Variants in TMEM135 observed in about 807,000 individuals in gnomAD.
TMEM135 encodes the protein peroxisomal membrane protein 52.
TMEM135 carries 30 observed loss-of-function variants against 60.3 expected under a neutral mutation model. The observed-to-expected ratio is 0.50, with a 90% CI of 0.37 to 0.68. The LOEUF (loss-of-function observed/expected upper bound fraction) is 0.68, where lower values mean the gene tolerates loss of function less well. Among genes scored for constraint, TMEM135 ranks in the 30% least tolerant of loss-of-function variants. TMEM135 has a pLI of 0.00. For missense variants in TMEM135, 468 were observed against 548.8 expected, an observed-to-expected ratio of 0.85 and a Z score of 1.47; for synonymous variants, 190 against 186.7, an observed-to-expected ratio of 1.02 and a Z score of -0.14.
At chr11:87,185,910 C>CTTT in intron 5 of TMEM135, among the ~76,000 whole-genome samples, 1 of 107,102 alleles carries the variant, frequency 9.3e-6, no homozygotes, top group East Asian at 2.2e-4. Context: ...TGTAGTTATC[C>CTTT]TTCTTTTTTT....
At position 87,281,711 on chromosome 11, in the gene TMEM135, A is replaced by G. The variant is rs565363157; in HGVS notation, c.510-14071A>G. Among the ~76,000 whole-genome samples the G allele has an allele frequency of 4.6e-5, 7 of 152,336 alleles. No homozygotes were observed. In the East Asian group the frequency reaches 1.4e-3, roughly 29 times the overall value. On this transcript the variant is annotated intron_variant, in intron 6 of 14. Coordinates refer to ENST00000305494, the MANE Select transcript of TMEM135 (RefSeq NM_022918.4). ...CCCTATTGACATCATGCCTGGAGTT[A>G]CGACATGTTTTGGCTAAAGAAATAT...
chr11:87,229,504 A>G (rs545026032), intron 5 of TMEM135, among the ~76,000 whole-genome samples: 1 of 152,268 alleles, frequency 6.6e-6, no homozygotes, highest in East Asian at 1.9e-4. Context: ...GGGAATAGCT[A>G]CTTTCATATG....
intron 4 of TMEM135, among the ~76,000 whole-genome samples, chr11:87,092,920 A>G (rs1197299426): frequency 1.3e-5 from 2 of 151,836 alleles, no homozygotes; most frequent in African/African-American, 4.8e-5. Context: ...TTACTAGGAT[A>G]TAGATTTATT....
At chr11:87,214,465 G>A (rs933827232) in intron 5 of TMEM135, among the ~76,000 whole-genome samples, 1 of 152,124 alleles carries the variant, frequency 6.6e-6, no homozygotes, top group Non-Finnish European at 1.5e-5. Flanking sequence ...GACCTGTATT[G>A]GGAAGTTACA....
intron 4 of TMEM135, among the ~76,000 whole-genome samples, chr11:87,152,057 C>T (rs1269257898): frequency 6.6e-6 from 1 of 152,168 alleles, no homozygotes; most frequent in African/African-American, 2.4e-5. Flanking sequence ...TCAGTCTTAC[C>T]TGCATTCTGG....
At chr11:87,211,878 A>G (rs1418564403) in intron 5 of TMEM135, among the ~76,000 whole-genome samples, 2 of 151,910 alleles carry the variant, frequency 1.3e-5, no homozygotes, top group Admixed American at 1.3e-4. Context: ...CGGGAGGTGG[A>G]GCTTGCAGTG....
At chr11:87,127,329 T>C (rs1937762041) in intron 4 of TMEM135, among the ~76,000 whole-genome samples, 1 of 152,234 alleles carries the variant, frequency 6.6e-6, no homozygotes, top group African/African-American at 2.4e-5. Context: ...TCCAAATTAT[T>C]GCTCCATGGG....
intron 4 of TMEM135, among the ~76,000 whole-genome samples, chr11:87,120,213 A>G (rs1294045507): frequency 2.0e-5 from 3 of 149,386 alleles, no homozygotes; most frequent in African/African-American, 7.4e-5. Context: ...CCTGGGCTCA[A>G]GCCATCCTCC....
At chr11:87,131,797 C>T (rs913912239) in intron 4 of TMEM135, among the ~76,000 whole-genome samples, 1 of 152,100 alleles carries the variant, frequency 6.6e-6, no homozygotes, top group African/African-American at 2.4e-5. Context: ...GGAACTGGGC[C>T]ATACAACAGG....
intron 4 of TMEM135, among the ~76,000 whole-genome samples, chr11:87,113,224 T>C (rs1031869012): frequency 2.0e-5 from 3 of 152,116 alleles, no homozygotes; most frequent in African/African-American, 7.2e-5. Context: ...ACTAAAAAGC[T>C]GCAGGAGTCA....
intron 4 of TMEM135, among the ~76,000 whole-genome samples, chr11:87,116,020 C>T (rs1050294280): frequency 6.6e-6 from 1 of 151,858 alleles, no homozygotes; most frequent in African/African-American, 2.4e-5. Flanking sequence ...ATTACCAAAT[C>T]TTAGGATTAA....
intron 4 of TMEM135, among the ~76,000 whole-genome samples, chr11:87,103,262 C>T (rs1022371279): frequency 6.6e-6 from 1 of 152,142 alleles, no homozygotes; most frequent in African/African-American, 2.4e-5. Flanking sequence ...AGCTTCCATA[C>T]TGTTTTTCAT....
chr11:87,117,373 G>T (rs1397035706), intron 4 of TMEM135, among the ~76,000 whole-genome samples: 1 of 152,156 alleles, frequency 6.6e-6, no homozygotes, highest in Non-Finnish European at 1.5e-5. Flanking sequence ...GAAGCATGCA[G>T]TGCTGTTTGA....
At chr11:87,185,187 T>C (rs986579158) in intron 5 of TMEM135, among the ~76,000 whole-genome samples, 1 of 152,158 alleles carries the variant, frequency 6.6e-6, no homozygotes, top group Admixed American at 6.5e-5. Context: ...CACAATGCTA[T>C]TCATCTCACT....
chr11:87,056,701 A>G (rs1433084159), intron 1 of TMEM135, among the ~76,000 whole-genome samples: 1 of 152,136 alleles, frequency 6.6e-6, no homozygotes, highest in Non-Finnish European at 1.5e-5. Context: ...AGTTACTGTT[A>G]TCTGTGATTT....
chr11:87,238,100 A>G (rs908661148), intron 6 of TMEM135, among the ~76,000 whole-genome samples: 1 of 151,752 alleles, frequency 6.6e-6, no homozygotes, highest in African/African-American at 2.4e-5. Context: ...AAATTTTGCT[A>G]TTGTGACCAG....
chr11:87,313,324 C>T, intron 10 of TMEM135, 101 bp from the exon 11 acceptor site: 2 of 947,642 alleles, frequency 2.1e-6, no homozygotes, highest in South Asian at 1.4e-5. Flanking sequence ...AATTGGCCTG[C>T]AAGGTAATCT....
chr11:87,273,408 A>G (rs1941906941), intron 6 of TMEM135, among the ~76,000 whole-genome samples: 1 of 152,084 alleles, frequency 6.6e-6, no homozygotes, highest in East Asian at 1.9e-4. Flanking sequence ...ATTATTTGCC[A>G]TTTATTCTTT....
At chr11:87,211,793 A>T (rs1474876593) in intron 5 of TMEM135, among the ~76,000 whole-genome samples, 1 of 152,070 alleles carries the variant, frequency 6.6e-6, no homozygotes, top group Non-Finnish European at 1.5e-5. Flanking sequence ...AAATACAAAA[A>T]ATTAGCTGGG....
Sources: gnomAD v4.1 joint callset for allele counts (sites outside exome capture counted in the v4.1 genomes callset) on GRCh38, gnomAD v4.1.1 for gene constraint, MANE v1.5 for transcripts, NCBI Gene and HGNC (gene_info 2026-07-23, HGNC 2026-07-21) for gene names.